IMPA1: variants seen among roughly 807,000 people sequenced by gnomAD.
The protein encoded by IMPA1 is inositol monophosphatase 1, also known as D-galactose 1-phosphate phosphatase.
A neutral mutation model predicts 34.9 loss-of-function variants in IMPA1; 21 were observed. The ratio of observed to expected loss-of-function variants is 0.60; its 90% CI spans 0.43 to 0.87. The LOEUF (loss-of-function observed/expected upper bound fraction) is 0.87, where lower values mean the gene tolerates loss of function less well. Ranked by LOEUF, IMPA1 falls within the 40% of genes least tolerant of loss-of-function variation. The probability of loss-of-function intolerance (pLI) is 0.00; values close to 1 mark genes in which losing one functional copy is unlikely to be tolerated. For synonymous variants in IMPA1, 95 were observed against 104.4 expected, an observed-to-expected ratio of 0.91 and a Z score of 0.55; for missense variants, 299 against 336.4, an observed-to-expected ratio of 0.89 and a Z score of 0.87.
At chr8:81,679,874 G>A (rs1394762419) in intron 3 of IMPA1, among the ~76,000 whole-genome samples, 1 of 151,934 alleles carries the variant, frequency 6.6e-6, no homozygotes, top group African/African-American at 2.4e-5. Context: ...TGGTGGCTCA[G>A]GTCTGTAATC....
chr8:81,663,680 C>G (rs1806739863), intron 7 of IMPA1, among the ~76,000 whole-genome samples: 1 of 152,194 alleles, frequency 6.6e-6, no homozygotes, highest in South Asian at 2.1e-4. Flanking sequence ...TATTTACATT[C>G]ACCAGATTTT....
chr8:81,683,060 T>G (rs1807346778), intron 1 of IMPA1, among the ~76,000 whole-genome samples: 1 of 152,202 alleles, frequency 6.6e-6, no homozygotes, highest in South Asian at 2.1e-4. Flanking sequence ...AGGCATCAGA[T>G]CAGGTTTCCC....
intron 6 of IMPA1, among the ~76,000 whole-genome samples, chr8:81,672,103 A>C (rs1807004778): frequency 6.6e-6 from 1 of 152,182 alleles, no homozygotes; most frequent in South Asian, 2.1e-4. Context: ...ATAGCCTAAA[A>C]ATCTGCTCTT....
At chr8:81,661,870 A>C (rs761745754) in intron 7 of IMPA1, among the ~76,000 whole-genome samples, 47 of 152,236 alleles carry the variant, frequency 3.1e-4, no homozygotes, top group Admixed American at 7.2e-4. Flanking sequence ...GTTTTTACAC[A>C]AATTCCTTCT....
rs556970139 is a variant in IMPA1, at chr8:81,658,156, A to T, written c.*1195T>A. The T allele has an allele frequency of 3.9e-5, 6 of 152,292 alleles. No homozygotes were observed. Among genetic ancestry groups the T allele is most frequent in the African/African-American group, 7.2e-5 (3 of 41,576 alleles). 9.4% of individuals were successfully genotyped at this position (152,292 alleles called of 1,614,324 possible). A position where few individuals can be genotyped will look rare whatever the true frequency, so the allele number is the denominator to read the frequency against. On this transcript the variant is annotated 3_prime_UTR_variant, in exon 9 of 9. Transcript: ENST00000256108. ...TCACTCCCTACCTTGAAAACTTTAC[A>T]GAAGCATTTTTAATTTTACAACACA...
At chr8:81,667,621 T>A (rs1207552075) in intron 7 of IMPA1, among the ~76,000 whole-genome samples, 1 of 152,104 alleles carries the variant, frequency 6.6e-6, no homozygotes, top group Non-Finnish European at 1.5e-5. Context: ...TGGTGAGGGC[T>A]TAGAAGACAA....
At position 81,663,971 on chromosome 8, in the gene IMPA1, G is replaced by A. The variant is rs529445979; in HGVS notation, c.567-3304C>T. Among the ~76,000 whole-genome samples the A allele has an allele frequency of 2.0e-3, 299 of 152,152 alleles. 1 individual carries two copies. The highest frequency in any genetic ancestry group is 6.9e-3 in the African/African-American group (285 of 41,516). On this transcript the variant is annotated intron_variant, in intron 7 of 8. Coordinates refer to ENST00000256108, the MANE Select transcript of IMPA1 (RefSeq NM_005536.4). ...GGAGAATCACTTGAACCCCGGAGGCGGAGGTTGCAGTGAGCCAAGATTGCA... is the reference window on the plus strand; with the variant it reads ...GGAGAATCACTTGAACCCCGGAGGCAGAGGTTGCAGTGAGCCAAGATTGCA...
chr8:81,682,261 G>C (rs922190773), intron 1 of IMPA1, among the ~76,000 whole-genome samples: 2 of 152,074 alleles, frequency 1.3e-5, no homozygotes, highest in Non-Finnish European at 2.9e-5. Context: ...ACTGACTTCT[G>C]AAGACTAAAA....
intron 7 of IMPA1, among the ~76,000 whole-genome samples, chr8:81,666,045 T>A (rs1222278613): frequency 6.6e-6 from 1 of 152,072 alleles, no homozygotes; most frequent in Non-Finnish European, 1.5e-5. Flanking sequence ...AGAACTAGGA[T>A]CAAAAAGCGG....
At chr8:81,667,475 T>C (rs114348828) in intron 7 of IMPA1, among the ~76,000 whole-genome samples, 1,598 of 152,154 alleles carry the variant, frequency 0.011, 17 homozygotes, top group African/African-American at 0.035. Context: ...TCATGGCTTA[T>C]AGGTTAAGGG....
chr8:81,678,480 T>G (rs1585900885), intron 4 of IMPA1: 1 of 152,992 alleles, frequency 6.5e-6, no homozygotes, highest in African/African-American at 2.4e-5. Context: ...TCACCTGAGG[T>G]CAGGAGTTCA....
At chr8:81,659,831 C>A (rs567089232) in intron 8 of IMPA1, among the ~76,000 whole-genome samples, 1 of 152,326 alleles carries the variant, frequency 6.6e-6, no homozygotes, top group South Asian at 2.1e-4. Flanking sequence ...TCCCAGATCA[C>A]TGGTGAATTC....
At chr8:81,670,449 T>C (rs1806953158) in intron 7 of IMPA1, among the ~76,000 whole-genome samples, 1 of 152,134 alleles carries the variant, frequency 6.6e-6, no homozygotes, top group Non-Finnish European at 1.5e-5. Context: ...ATTAAAATCC[T>C]GGTTCTTTGA....
intron 4 of IMPA1, among the ~76,000 whole-genome samples, chr8:81,676,809 C>T (rs749710233): frequency 6.6e-6 from 1 of 152,028 alleles, no homozygotes; most frequent in Non-Finnish European, 1.5e-5. Flanking sequence ...GGCAACATGG[C>T]AAGATCCTGT....
At chr8:81,660,843 C>A (rs1348107167) in intron 7 of IMPA1, among the ~76,000 whole-genome samples, 176 bp from the exon 8 acceptor site, 2 of 151,952 alleles carry the variant, frequency 1.3e-5, no homozygotes, top group Non-Finnish European at 2.9e-5. Context: ...TAATTATCAT[C>A]GTATATTATA....
chr8:81,663,391 G>A (rs936888740), intron 7 of IMPA1, among the ~76,000 whole-genome samples: 1 of 152,266 alleles, frequency 6.6e-6, no homozygotes, highest in Non-Finnish European at 1.5e-5. Context: ...TAATTAGTTT[G>A]TACATGGTCA....
intron 6 of IMPA1, among the ~76,000 whole-genome samples, chr8:81,672,097 C>T (rs1425291353): frequency 6.6e-6 from 1 of 151,954 alleles, no homozygotes. Flanking sequence ...AAGGAAATAG[C>T]CTAAAAATCT....
chr8:81,672,695 C>A (rs1807021187), intron 6 of IMPA1, among the ~76,000 whole-genome samples: 1 of 152,188 alleles, frequency 6.6e-6, no homozygotes. Flanking sequence ...AAACTCTCTA[C>A]ATTAATTTTG....
chr8:81,664,922 A>C (rs1490491642), intron 7 of IMPA1, among the ~76,000 whole-genome samples: 10 of 152,048 alleles, frequency 6.6e-5, no homozygotes, highest in Non-Finnish European at 1.5e-4. Context: ...TGAAAACTTA[A>C]GGACCCTGCA....
Sources: gnomAD v4.1 joint callset for allele counts (sites outside exome capture counted in the v4.1 genomes callset) on GRCh38, gnomAD v4.1.1 for gene constraint, MANE v1.5 for transcripts, NCBI Gene and HGNC (gene_info 2026-07-23, HGNC 2026-07-21) for gene names.